Variants in KLRG1 observed in about 807,000 individuals in gnomAD.
KLRG1 encodes the protein killer cell lectin like receptor G1.
In KLRG1, 16 loss-of-function variants were observed where a neutral mutation model predicts 21.8. The ratio of observed to expected loss-of-function variants is 0.73; its 90% CI spans 0.50 to 1.11. KLRG1 has a LOEUF of 1.11. Among genes scored for constraint, KLRG1 ranks in the 50% most tolerant of loss-of-function variants. The pLI is 0.00. For missense variants in KLRG1, 173 were observed against 218.3 expected, an observed-to-expected ratio of 0.79 and a Z score of 1.31; for synonymous variants, 69 against 75.9, an observed-to-expected ratio of 0.91 and a Z score of 0.47.
chr12:8,970,106 A>T (rs1163874723), intron 1 of KLRG1, among the ~76,000 whole-genome samples: 1 of 152,176 alleles, frequency 6.6e-6, no homozygotes, highest in East Asian at 1.9e-4. Context: ...ACAGAGGGAG[A>T]CCTTGTCTCA....
At chr12:9,123,857 G>A in the KLRG1 span, among the ~76,000 whole-genome samples, 1 of 118,992 alleles carries the variant, frequency 8.4e-6, no homozygotes, top group East Asian at 2.1e-4. Context: ...TTTTTTTTTC[G>A]CGGAAAATGC....
chr12:9,002,712 A>G (rs1947340541), intron 3 of KLRG1, among the ~76,000 whole-genome samples: 1 of 151,978 alleles, frequency 6.6e-6, no homozygotes, highest in Non-Finnish European at 1.5e-5. Context: ...GACTACAGGC[A>G]TGTGCCACCA....
At chr12:9,029,485 G>C in the KLRG1 span, among the ~76,000 whole-genome samples, 1 of 151,630 alleles carries the variant, frequency 6.6e-6, no homozygotes, top group Non-Finnish European at 1.5e-5. Flanking sequence ...CAAAGTGCTG[G>C]GATCCACGGC....
chr12:9,012,855 A>G (rs1407733142), downstream of KLRG1, among the ~76,000 whole-genome samples: 1 of 152,072 alleles, frequency 6.6e-6, no homozygotes, highest in Non-Finnish European at 1.5e-5. Context: ...CCTTGAGGGA[A>G]CATTAGTGAT....
chr12:9,099,494 C>G, the KLRG1 span: 1 of 1,610,456 alleles, frequency 6.2e-7, no homozygotes, highest in Admixed American at 1.7e-5. Context: ...TCTGACTTCA[C>G]AGGGATTGAG....
At chr12:9,193,775 T>A in the KLRG1 span, among the ~76,000 whole-genome samples, 1 of 152,124 alleles carries the variant, frequency 6.6e-6, no homozygotes, top group Non-Finnish European at 1.5e-5. Context: ...AAAAATAACA[T>A]AAAACAAAGT....
At chr12:8,972,559 G>A (rs188683790) in intron 1 of KLRG1, among the ~76,000 whole-genome samples, 1 of 152,262 alleles carries the variant, frequency 6.6e-6, no homozygotes, top group East Asian at 1.9e-4. Flanking sequence ...ACCATTTATT[G>A]AAGAAACTAT....
the KLRG1 span, among the ~76,000 whole-genome samples, chr12:9,017,683 T>C: frequency 6.6e-6 from 1 of 152,138 alleles, no homozygotes; most frequent in South Asian, 2.1e-4. Flanking sequence ...AACCTGAAAT[T>C]GTCTCCTCTA....
intron 1 of KLRG1, among the ~76,000 whole-genome samples, chr12:8,971,691 A>G (rs1411198212): frequency 6.6e-6 from 1 of 151,520 alleles, no homozygotes; most frequent in Non-Finnish European, 1.5e-5. Context: ...GGGTTTCACC[A>G]TGTTGGCCAG....
chr12:9,024,525 A>G, the KLRG1 span, among the ~76,000 whole-genome samples: 1 of 152,162 alleles, frequency 6.6e-6, no homozygotes, highest in Non-Finnish European at 1.5e-5. Flanking sequence ...TTTTAGATAA[A>G]TGTTCTTTTC....
the KLRG1 span, chr12:9,067,072 T>G: frequency 6.6e-6 from 1 of 152,304 alleles, no homozygotes; most frequent in African/African-American, 2.4e-5. Context: ...AACTGATTTC[T>G]GCATCAGAAT....
chr12:9,185,153 G>A, the KLRG1 span, among the ~76,000 whole-genome samples: 1 of 152,156 alleles, frequency 6.6e-6, no homozygotes, highest in Non-Finnish European at 1.5e-5. Flanking sequence ...GGAGAATGTT[G>A]AAACCTAATC....
chr12:9,156,719 T>G, the KLRG1 span, among the ~76,000 whole-genome samples: 3 of 152,164 alleles, frequency 2.0e-5, no homozygotes, highest in African/African-American at 7.2e-5. Context: ...AGAAGACAGT[T>G]TTATAAGAGG....
the KLRG1 span, chr12:9,104,441 C>T: frequency 2.6e-6 from 4 of 1,539,000 alleles, no homozygotes; most frequent in Non-Finnish European, 3.5e-6. Flanking sequence ...TTGGTAATAA[C>T]TAATAGGCAC....
chr12:9,157,985 G>C, the KLRG1 span: 5 of 736,766 alleles, frequency 6.8e-6, no homozygotes, highest in African/African-American at 8.7e-5. Flanking sequence ...ACAGGTTCTT[G>C]CTCTGTAGCT....
At chr12:8,975,944 T>C (rs765698041) in intron 1 of KLRG1, among the ~76,000 whole-genome samples, 1 of 152,244 alleles carries the variant, frequency 6.6e-6, no homozygotes, top group Non-Finnish European at 1.5e-5. Flanking sequence ...TTTTCTTCTA[T>C]TGTTTTCTTT....
the KLRG1 span, among the ~76,000 whole-genome samples, chr12:9,052,094 C>A: frequency 1.3e-5 from 2 of 152,162 alleles, no homozygotes; most frequent in Admixed American, 1.3e-4. Context: ...TATATAAGAG[C>A]GTCTGCAGGC....
the KLRG1 span, chr12:9,157,053 A>G: frequency 1.2e-6 from 1 of 863,754 alleles, no homozygotes; most frequent in Non-Finnish European, 1.7e-6. Context: ...TCCCCCATGC[A>G]TTAGCTATCT....
the KLRG1 span, among the ~76,000 whole-genome samples, chr12:9,126,564 A>C: frequency 4.9e-4 from 75 of 152,332 alleles, no homozygotes; most frequent in African/African-American, 1.7e-3. Context: ...AATTAAGAAT[A>C]CAGGGACTCC....
Sources: gnomAD v4.1 joint callset for allele counts (sites outside exome capture counted in the v4.1 genomes callset) on GRCh38, gnomAD v4.1.1 for gene constraint, MANE v1.5 for transcripts, NCBI Gene and HGNC (gene_info 2026-07-23, HGNC 2026-07-21) for gene names.